PDE11A: variants seen among roughly 807,000 people sequenced by gnomAD.
The protein encoded by PDE11A is phosphodiesterase 11A, also known as dual 3',5'-cyclic-AMP and -GMP phosphodiesterase 11A.
In PDE11A, 100 loss-of-function variants were observed where a neutral mutation model predicts 100.5. The observed-to-expected ratio is 1.00, with a 90% CI of 0.85 to 1.18. The LOEUF (loss-of-function observed/expected upper bound fraction) is 1.18, where lower values mean the gene tolerates loss of function less well. Among genes scored for constraint, PDE11A ranks in the 50% most tolerant of loss-of-function variants. PDE11A has a pLI of 0.00. For synonymous variants in PDE11A, 381 were observed against 420.8 expected (o/e 0.91, Z 1.16); for missense variants, 1,141 against 1,152.6 (o/e 0.99, Z 0.15).
intron 2 of PDE11A, among the ~76,000 whole-genome samples, chr2:178,088,797 C>T (rs2087388018): frequency 6.6e-6 from 1 of 151,576 alleles, no homozygotes; most frequent in Non-Finnish European, 1.5e-5. Flanking sequence ...AACAAAAATA[C>T]TTACTTTTTC....
chr2:177,981,305 C>A (rs1037870732), intron 2 of PDE11A, among the ~76,000 whole-genome samples: 2 of 150,428 alleles, frequency 1.3e-5, no homozygotes, highest in African/African-American at 4.8e-5. Flanking sequence ...TGGCTTAGAA[C>A]GACTGAAATG....
At chr2:177,686,236 T>C (rs2080946350) in intron 15 of PDE11A, among the ~76,000 whole-genome samples, 1 of 152,174 alleles carries the variant, frequency 6.6e-6, no homozygotes, top group Admixed American at 6.5e-5. Context: ...ATAATAGGAA[T>C]CATGAGGAAC....
intron 1 of PDE11A, among the ~76,000 whole-genome samples, chr2:178,052,176 G>A (rs899965650): frequency 6.6e-6 from 1 of 152,194 alleles, no homozygotes; most frequent in Non-Finnish European, 1.5e-5. Flanking sequence ...TCAGACCACA[G>A]TGCAATCAAA....
intron 10 of PDE11A, among the ~76,000 whole-genome samples, chr2:177,767,636 ACATT>A (rs1338122061): frequency 6.6e-6 from 1 of 152,142 alleles, no homozygotes; most frequent in East Asian, 1.9e-4. Context: ...AAATTTACAT[ACATT>A]AAGTAAAATT....
chr2:177,695,669 C>T (rs1021953100), intron 15 of PDE11A, among the ~76,000 whole-genome samples: 1 of 152,136 alleles, frequency 6.6e-6, no homozygotes, highest in Non-Finnish European at 1.5e-5. Context: ...TTTTATTTCT[C>T]CAGAGGATAC....
chr2:177,822,636 C>T (rs115533060), intron 6 of PDE11A, among the ~76,000 whole-genome samples: 399 of 152,120 alleles, frequency 2.6e-3, no homozygotes, highest in African/African-American at 8.9e-3. Context: ...CATATACATT[C>T]CTGGGATTTT....
At chr2:178,009,290 C>T (rs751354377) in intron 2 of PDE11A, among the ~76,000 whole-genome samples, 10 of 152,154 alleles carry the variant, frequency 6.6e-5, no homozygotes, top group Non-Finnish European at 1.3e-4. Context: ...ATACATATTG[C>T]TGAAAAATAG....
At chr2:178,028,297 C>T (rs1275328147) in intron 1 of PDE11A, among the ~76,000 whole-genome samples, 3 of 35,704 alleles carry the variant, frequency 8.4e-5, no homozygotes, top group Non-Finnish European at 1.9e-4. Flanking sequence ...TCACATGTTC[C>T]ATCAAAAAAA....
In PDE11A at chr2:177,999,074, T is replaced by C. The variant is rs564205954; in HGVS notation, c.1071+15228A>G. On this transcript the variant is annotated intron_variant, in intron 2 of 19. Transcript: ENST00000286063. ...CAAAACGCCCATCATGTCCTGTGAC[T>C]GTCCTAATCATGATAGGAATCATGT... Among the ~76,000 whole-genome samples, 22 of 152,358 alleles carry C rather than the reference T, an allele frequency of 1.4e-4. No homozygotes were observed. The South Asian group carries it at 4.6e-3, about 32-fold the overall frequency.
intron 19 of PDE11A, among the ~76,000 whole-genome samples, chr2:177,639,623 C>T (rs958832089): frequency 1.3e-5 from 2 of 152,080 alleles, no homozygotes; most frequent in African/African-American, 4.8e-5. Context: ...CTCTTATTAC[C>T]ATTATTCCTG....
At chr2:177,735,941 C>T (rs757840546) in intron 10 of PDE11A, among the ~76,000 whole-genome samples, 16 of 152,204 alleles carry the variant, frequency 1.1e-4, no homozygotes, top group Non-Finnish European at 2.1e-4. Context: ...TTAGTTGTGG[C>T]AGGTGGCAAA....
At chr2:177,793,906 A>T (rs1207168524) in intron 9 of PDE11A, among the ~76,000 whole-genome samples, 2 of 152,182 alleles carry the variant, frequency 1.3e-5, no homozygotes, top group Non-Finnish European at 2.9e-5. Flanking sequence ...AGGAATGGGC[A>T]CCAGTATTGG....
chr2:177,809,935 A>G (rs1024233710), intron 9 of PDE11A, among the ~76,000 whole-genome samples: 19 of 152,212 alleles, frequency 1.2e-4, no homozygotes, highest in Non-Finnish European at 2.6e-4. Context: ...CGGAGCTTAG[A>G]AGATTCCTGA....
At chr2:177,945,168 T>C (rs868469478) in intron 2 of PDE11A, among the ~76,000 whole-genome samples, 5 of 151,162 alleles carry the variant, frequency 3.3e-5, no homozygotes, top group African/African-American at 9.7e-5. Flanking sequence ...CTCGGCTCAC[T>C]ACAACCTACA....
intron 10 of PDE11A, among the ~76,000 whole-genome samples, chr2:177,744,750 G>A (rs2081923868): frequency 6.6e-6 from 1 of 152,208 alleles, no homozygotes; most frequent in Admixed American, 6.5e-5. Context: ...GTGACTTCAA[G>A]CTTGGCCGTG....
At chr2:178,091,552 A>C (rs940501916) in intron 2 of PDE11A, among the ~76,000 whole-genome samples, 1 of 152,208 alleles carries the variant, frequency 6.6e-6, no homozygotes, top group Non-Finnish European at 1.5e-5. Flanking sequence ...CAGATGTCTT[A>C]TCCTCACCCA....
At chr2:177,744,012 C>A (rs898100667) in intron 10 of PDE11A, among the ~76,000 whole-genome samples, 2 of 152,192 alleles carry the variant, frequency 1.3e-5, no homozygotes, top group Non-Finnish European at 2.9e-5. Context: ...CTTTCCTCCC[C>A]TCCTCTCCTC....
At chr2:177,849,400 T>C (rs185342622) in intron 5 of PDE11A, among the ~76,000 whole-genome samples, 1 of 152,282 alleles carries the variant, frequency 6.6e-6, no homozygotes, top group Non-Finnish European at 1.5e-5. Flanking sequence ...GTCAAAACTA[T>C]AGCATGAGTA....
At chr2:177,864,966 C>G (rs1403014480) in intron 5 of PDE11A, among the ~76,000 whole-genome samples, 1 of 152,046 alleles carries the variant, frequency 6.6e-6, no homozygotes, top group African/African-American at 2.4e-5. Context: ...ACCCTAATTG[C>G]AAAAAGCATG....
Sources: allele counts gnomAD v4.1 joint callset (sites outside exome capture counted in the v4.1 genomes callset), GRCh38; gene constraint gnomAD v4.1.1; transcripts MANE v1.5; gene names NCBI Gene and HGNC (gene_info 2026-07-23, HGNC 2026-07-21).